The following SKAP1 variants were observed in gnomAD, a reference collection of about 807,000 sequenced individuals.
SKAP1 encodes the protein src kinase associated phosphoprotein 1, also known as src kinase-associated phosphoprotein 1.
In SKAP1, 44 loss-of-function variants were observed where a neutral mutation model predicts 58.5. The ratio of observed to expected loss-of-function variants is 0.75; its 90% confidence interval spans 0.59 to 0.97. The LOEUF (loss-of-function observed/expected upper bound fraction) is 0.97. Ranked by LOEUF, SKAP1 falls within the 50% of genes least tolerant of loss-of-function variation. The pLI is 0.00. For missense variants in SKAP1, 390 were observed against 435.2 expected, an observed-to-expected ratio of 0.90 and a Z score of 0.92; for synonymous variants, 127 against 149.7, an observed-to-expected ratio of 0.85 and a Z score of 1.11.
intron 4 of SKAP1, among the ~76,000 whole-genome samples, chr17:48,246,037 A>AT (rs1466099375): frequency 2.6e-5 from 4 of 152,112 alleles, no homozygotes; most frequent in Non-Finnish European, 4.4e-5. Context: ...TACAATAATA[A>AT]TGCCTTTCTC....
At chr17:48,156,534 GA>G in intron 11 of SKAP1, 1 of 520,002 alleles carries the variant, frequency 1.9e-6, no homozygotes, top group South Asian at 1.5e-5. Context: ...TCCCTCACCA[GA>G]AAAAGCTGTT....
chr17:48,167,464 A>C (rs1434078414), intron 10 of SKAP1, among the ~76,000 whole-genome samples: 4 of 152,188 alleles, frequency 2.6e-5, no homozygotes, highest in Non-Finnish European at 5.9e-5. Context: ...TAAGAGCTGC[A>C]AACACCTCTG....
Position 48,162,495 on chromosome 17 carries a change from C to A in SKAP1, c.952G>T (p.Gly318Cys), listed in dbSNP as rs148912908. The A allele has an allele frequency of 1.5e-4, 242 of 1,613,712 alleles. No individual in the cohort carries two copies. Among genetic ancestry groups the A allele is most frequent in the Non-Finnish European group, 1.9e-4 (227 of 1,179,866 alleles). Residue 318 changes from glycine (G) to cysteine (C), a missense_variant, in exon 11 of 13, where the codon GGT (glycine) becomes TGT (cysteine). By Grantham distance (159) the Gly-to-Cys change is radical. Transcript: ENST00000336915. Reference protein sequence around the residue: ...DQPDELSFQRGDLIRILSKEY... With the variant: ...DQPDELSFQRCDLIRILSKEY... ...TTGCTCAGAATACGGATGAGGTCACCCCGTTGGAAGGACAGTTCATCTGGC... is the reference window on the plus strand; with the variant it reads ...TTGCTCAGAATACGGATGAGGTCACACCGTTGGAAGGACAGTTCATCTGGC...
intron 11 of SKAP1, among the ~76,000 whole-genome samples, chr17:48,157,049 C>T (rs1232263233): frequency 6.6e-6 from 1 of 152,316 alleles, no homozygotes. Flanking sequence ...TACACAAATT[C>T]TCTAATGTAA....
intron 11 of SKAP1, chr17:48,156,581 T>A (rs770519850): frequency 2.5e-6 from 1 of 404,430 alleles, no homozygotes; most frequent in African/African-American, 2.1e-5. Context: ...CACAGGAACA[T>A]CCGCTGGATG....
chr17:48,407,846 T>C (rs1290985617), intron 1 of SKAP1, among the ~76,000 whole-genome samples: 2 of 140,232 alleles, frequency 1.4e-5, no homozygotes, highest in Non-Finnish European at 3.1e-5. Flanking sequence ...AGAGTGAGAC[T>C]TTGTCTCCAA....
At chr17:48,389,172 G>A (rs2067315083) in intron 2 of SKAP1, among the ~76,000 whole-genome samples, 1 of 152,230 alleles carries the variant, frequency 6.6e-6, no homozygotes, top group South Asian at 2.1e-4. Flanking sequence ...CAAGGCACCA[G>A]CATCAAATTG....
chr17:48,230,235 C>A (rs1237294974), intron 4 of SKAP1, among the ~76,000 whole-genome samples: 4 of 152,170 alleles, frequency 2.6e-5, no homozygotes, highest in Non-Finnish European at 4.4e-5. Flanking sequence ...ATAAACCAGG[C>A]AATGTTCTTG....
chr17:48,291,305 C>T (rs1273725285), intron 4 of SKAP1, among the ~76,000 whole-genome samples: 1 of 151,954 alleles, frequency 6.6e-6, no homozygotes, highest in East Asian at 1.9e-4. Context: ...ATTTTGGGGC[C>T]ACTGGTGCTG....
intron 1 of SKAP1, among the ~76,000 whole-genome samples, chr17:48,406,628 C>T (rs547775879): frequency 1.3e-5 from 2 of 151,778 alleles, no homozygotes; most frequent in African/African-American, 2.4e-5. Context: ...TGCAGTGGTG[C>T]GATCTCGGCT....
chr17:48,390,684 T>C (rs992946214), intron 2 of SKAP1, among the ~76,000 whole-genome samples: 2 of 152,232 alleles, frequency 1.3e-5, no homozygotes, highest in African/African-American at 4.8e-5. Flanking sequence ...GTGTTCTAGC[T>C]CACAATCCCA....
chr17:48,192,590 T>C (rs768670484), intron 4 of SKAP1, among the ~76,000 whole-genome samples: 8 of 152,168 alleles, frequency 5.3e-5, no homozygotes, highest in Admixed American at 6.5e-5. Context: ...TTTATTTAGA[T>C]GTTAAGACTC....
At chr17:48,363,496 A>G (rs1014815138) in intron 3 of SKAP1, among the ~76,000 whole-genome samples, 1 of 152,220 alleles carries the variant, frequency 6.6e-6, no homozygotes, top group South Asian at 2.1e-4. Flanking sequence ...TTTGAATGCT[A>G]CTGGATCCTG....
At chr17:48,444,386 T>C in the SKAP1 span, among the ~76,000 whole-genome samples, 2 of 152,046 alleles carry the variant, frequency 1.3e-5, no homozygotes, top group Admixed American at 1.3e-4. Flanking sequence ...TGAGACTCCG[T>C]CTCAAAAAAA....
chr17:48,345,836 G>A (rs1388820512), intron 4 of SKAP1, 69 bp downstream of exon 4: 2 of 1,088,796 alleles, frequency 1.8e-6, no homozygotes, highest in Non-Finnish European at 1.4e-6. Context: ...AATGACAAAA[G>A]GCAAAGATGT....
At chr17:48,201,201 G>A (rs1277912901) in intron 4 of SKAP1, among the ~76,000 whole-genome samples, 1 of 152,100 alleles carries the variant, frequency 6.6e-6, no homozygotes, top group African/African-American at 2.4e-5. Context: ...GGATTTTGGA[G>A]AAAAAATTAG....
chr17:48,158,379 T>C (rs1283968453), intron 11 of SKAP1, among the ~76,000 whole-genome samples: 4 of 129,624 alleles, frequency 3.1e-5, no homozygotes, highest in Non-Finnish European at 6.5e-5. Flanking sequence ...ACCCCGTCTC[T>C]ATTAAAAATA....
intron 1 of SKAP1, among the ~76,000 whole-genome samples, chr17:48,406,029 G>C (rs1265581461): frequency 6.6e-6 from 1 of 152,070 alleles, no homozygotes. Context: ...CACTTTGGGA[G>C]GCCAAGGCGG....
At position 48,367,563 on chromosome 17, in the gene SKAP1, T is replaced by TATATATATATATATGGATATATATCC. The variant is rs1567885871; in HGVS notation, c.153-3750_153-3749insGGATATATATCCATATATATATATAT. On this transcript the variant is annotated intron_variant, in intron 2 of 12. Coordinates refer to ENST00000336915, the MANE Select transcript of SKAP1 (RefSeq NM_003726.4). Reference sequence around the variant, plus strand: ...ATATATATATATGGATATATATCCATATATATATATATATAATCATACTGT... The same window carrying TATATATATATATATGGATATATATCC: ...ATATATATATATGGATATATATCCATATATATATATATATGGATATATATCCATATATATATATATAATCATACTGT... 1.6e-4 allele frequency among the ~76,000 whole-genome samples: 24 copies of TATATATATATATATGGATATATATCC among 146,118 alleles called. No individual in the cohort carries two copies. In the South Asian group the frequency reaches 1.7e-3, roughly 10 times the overall value.
Sources: allele counts gnomAD v4.1 joint callset (sites outside exome capture counted in the v4.1 genomes callset), GRCh38; gene constraint gnomAD v4.1.1; transcripts MANE v1.5; gene names NCBI Gene and HGNC (gene_info 2026-07-23, HGNC 2026-07-21).